Variants in SEC31A observed in about 807,000 individuals in gnomAD.
The protein encoded by SEC31A is SEC31 homolog A, COPII component, also known as protein transport protein Sec31A.
Under a neutral mutation model 151.0 loss-of-function variants are expected in SEC31A, and 70 were observed. The ratio of observed to expected loss-of-function variants is 0.46; its 90% CI spans 0.38 to 0.57. The LOEUF is 0.57. Ranked by LOEUF, SEC31A falls within the 20% of genes least tolerant of loss-of-function variation. The probability of loss-of-function intolerance (pLI) is 0.00; values close to 1 mark genes in which losing one functional copy is unlikely to be tolerated. For missense variants in SEC31A, 1,330 were observed against 1,471.2 expected (o/e 0.90, Z 1.57); for synonymous variants, 475 against 505.9 (o/e 0.94, Z 0.82).
At chr4:82,849,615 A>AT (rs1420977945) in intron 19 of SEC31A, among the ~76,000 whole-genome samples, 1 of 150,038 alleles carries the variant, frequency 6.7e-6, no homozygotes, top group Non-Finnish European at 1.5e-5. Flanking sequence ...ATCCGTCTCA[A>AT]AAAAAAAAAA....
chr4:82,832,951 TTGG>T (rs768158393), intron 22 of SEC31A, among the ~76,000 whole-genome samples: 9 of 152,204 alleles, frequency 5.9e-5, no homozygotes, highest in African/African-American at 7.2e-5. Context: ...TTTTACACTG[TTGG>T]TGGGAGTGTA....
chr4:82,889,741 A>T (rs1162601556), intron 1 of SEC31A, among the ~76,000 whole-genome samples: 1 of 152,182 alleles, frequency 6.6e-6, no homozygotes, highest in East Asian at 1.9e-4. Context: ...CTTATATAAA[A>T]TTAAGCAATA....
In SEC31A at chr4:82,881,854, T is replaced by G. The variant is rs1399903453; in HGVS notation, c.79+4A>C. On this transcript the variant is annotated splice_donor_region_variant and intron_variant, in intron 2 of 26. Coordinates refer to ENST00000395310, the MANE Select transcript of SEC31A (RefSeq NM_001077207.4). Reference sequence around the variant, plus strand: ...TCATACTATCTTCTCTCCTTTGAACTTACCTGTTGCTAGGTAAATGGGGTG... The same window carrying G: ...TCATACTATCTTCTCTCCTTTGAACGTACCTGTTGCTAGGTAAATGGGGTG... 3 of 1,611,186 alleles carry G rather than the reference T, an allele frequency of 1.9e-6. No homozygotes were observed. Among genetic ancestry groups the G allele is most frequent in the Non-Finnish European group, 2.5e-6 (3 of 1,177,236 alleles).
intron 1 of SEC31A, among the ~76,000 whole-genome samples, chr4:82,882,783 A>G (rs972659295): frequency 2.0e-5 from 3 of 152,206 alleles, no homozygotes; most frequent in African/African-American, 7.2e-5. Flanking sequence ...TCAAGGTATA[A>G]TCCCATATAC....
intron 15 of SEC31A, 74 bp downstream of exon 15, chr4:82,857,615 T>G: frequency 1.0e-6 from 1 of 1,004,322 alleles, no homozygotes; most frequent in Non-Finnish European, 1.6e-6. Context: ...TTGAAGCATT[T>G]TAACTTAAAT....
At chr4:82,874,021 C>T (rs372311146) in intron 6 of SEC31A, among the ~76,000 whole-genome samples, 9 of 152,026 alleles carry the variant, frequency 5.9e-5, no homozygotes, top group East Asian at 3.9e-4. Context: ...CTGCAATGGC[C>T]GGGCACAGAA....
At chr4:82,856,838 T>G in intron 16 of SEC31A, 114 bp downstream of exon 16, 55 of 862,476 alleles carry the variant, frequency 6.4e-5, no homozygotes, top group Non-Finnish European at 8.3e-5. Flanking sequence ...GAATTATGAA[T>G]GAGCTTTTAA....
intron 19 of SEC31A, among the ~76,000 whole-genome samples, chr4:82,851,072 T>C (rs1731347830): frequency 6.6e-6 from 1 of 152,244 alleles, no homozygotes. Flanking sequence ...ATTTGTTTGA[T>C]TAAACATTAA....
chr4:82,871,425 A>C, intron 7 of SEC31A: 1 of 1,503,858 alleles, frequency 6.6e-7, no homozygotes, highest in Non-Finnish European at 8.9e-7. Context: ...AGGAACTGTG[A>C]CTTTAAGCAA....
rs1419245917 is a variant in SEC31A at position 82,871,974 on chromosome 4, G to A, written c.752C>T (p.Ser251Phe). 1 of 1,614,150 alleles carries A rather than the reference G, an allele frequency of 6.2e-7. No individual in the cohort carries two copies. Among genetic ancestry groups the A allele is most frequent in the Admixed American group, 1.7e-5 (1 of 60,018 alleles). The change falls in exon 7 of 27, where the codon TCT becomes TTT. Residue 251 changes from serine (S) to phenylalanine (F), a missense_variant. By Grantham distance (155) the Ser-to-Phe change is radical. Coordinates refer to ENST00000395310, the MANE Select transcript of SEC31A (RefSeq NM_001077207.4). Reference sequence around the variant, plus strand: ...ATGGTTTTCCAGGACACGAAGTGGAGAGGAAGCAAATCGAAGATCCCACAT... The same window carrying A: ...ATGGTTTTCCAGGACACGAAGTGGAAAGGAAGCAAATCGAAGATCCCACAT... ...IQMWDLRFAS[S>F]PLRVLENHAR... is the part of the protein sequence containing the mutation.
At chr4:82,888,549 GCGTGATGGCGCGGCCAGTAGTCCC>G (rs1222022381) in intron 1 of SEC31A, among the ~76,000 whole-genome samples, 5 of 151,786 alleles carry the variant, frequency 3.3e-5, no homozygotes, top group African/African-American at 1.2e-4. Context: ...AATTAGCTGC[GCGTGATGGCGCGGCCAGTAGTCCC>G]CGCTACTCGG....
At chr4:82,846,109 T>G (rs1026981878) in intron 20 of SEC31A, among the ~76,000 whole-genome samples, 10 of 152,014 alleles carry the variant, frequency 6.6e-5, no homozygotes, top group African/African-American at 1.9e-4. Context: ...GTTCATGCCA[T>G]TCTCCTGCCT....
At position 82,831,677 on chromosome 4, in the gene SEC31A, G is replaced by A. The variant is rs114245448; in HGVS notation, c.2969-2619C>T. On this transcript the variant is annotated intron_variant, in intron 22 of 26. Coordinates refer to ENST00000395310, the MANE Select transcript of SEC31A (RefSeq NM_001077207.4). ...TGGATTTAGGAGGCCCCAGTGGTCT[G>A]TACCCTGCAGAAACTGTAATTTCTG... Among the ~76,000 whole-genome samples the A allele has an allele frequency of 5.9e-3, 895 of 152,266 alleles. 4 individuals are homozygous for A. The highest frequency in any genetic ancestry group is 0.01 in the Non-Finnish European group (681 of 68,020).
intron 25 of SEC31A, among the ~76,000 whole-genome samples, chr4:82,822,448 A>G (rs1349168376): frequency 6.6e-6 from 1 of 152,216 alleles, no homozygotes; most frequent in African/African-American, 2.4e-5. Context: ...CAGCAAGTAT[A>G]AAGTCCTGAC....
chr4:82,871,272 T>C, intron 7 of SEC31A: 1 of 1,363,922 alleles, frequency 7.3e-7, no homozygotes. Flanking sequence ...GCACAAATTA[T>C]CCTATTTGTA....
intron 25 of SEC31A, among the ~76,000 whole-genome samples, chr4:82,822,969 G>A (rs562515618): frequency 1.3e-3 from 197 of 151,498 alleles, no homozygotes; most frequent in African/African-American, 4.3e-3. Context: ...GTGAAACTCC[G>A]TCTCAAAAAA....
chr4:82,822,498 T>C (rs916702888), intron 25 of SEC31A, among the ~76,000 whole-genome samples: 1 of 152,122 alleles, frequency 6.6e-6, no homozygotes, highest in South Asian at 2.1e-4. Context: ...GGAATGCCAG[T>C]GTGCTTGGAG....
At chr4:82,841,896 C>T (rs887832944) in intron 22 of SEC31A, among the ~76,000 whole-genome samples, 2 of 151,556 alleles carry the variant, frequency 1.3e-5, no homozygotes, top group African/African-American at 2.4e-5. Flanking sequence ...CGCTTGAACC[C>T]GGAAGGCAGA....
intron 18 of SEC31A, among the ~76,000 whole-genome samples, chr4:82,852,647 C>T (rs1018440605): frequency 1.3e-5 from 2 of 151,978 alleles, no homozygotes; most frequent in Non-Finnish European, 2.9e-5. Flanking sequence ...AATCTCTTTC[C>T]AGAAAGAGAA....
Sources: allele counts gnomAD v4.1 joint callset (sites outside exome capture counted in the v4.1 genomes callset), GRCh38; gene constraint gnomAD v4.1.1; transcripts MANE v1.5; gene names NCBI Gene and HGNC (gene_info 2026-07-23, HGNC 2026-07-21).